The following LYPD6 variants were observed in gnomAD, a reference collection of about 807,000 sequenced individuals.
The protein encoded by LYPD6 is LY6/PLAUR domain containing 6.
LYPD6 carries 15 observed loss-of-function variants against 22.7 expected under a neutral mutation model. That is an observed-to-expected ratio of 0.66 (90% CI 0.44 to 1.02). The LOEUF is 1.02. LYPD6 is among the 50% of genes least tolerant of loss of function. The pLI, the probability that LYPD6 is intolerant of heterozygous loss-of-function variation, is 0.00. For missense variants in LYPD6, 189 were observed against 208.4 expected (o/e 0.91, Z 0.57); for synonymous variants, 72 against 77.5 (o/e 0.93, Z 0.37).
At chr2:149,415,210 T>C (rs1300255504) in intron 1 of LYPD6, among the ~76,000 whole-genome samples, 2 of 152,122 alleles carry the variant, frequency 1.3e-5, no homozygotes, top group African/African-American at 2.4e-5. Flanking sequence ...GAATCTGTGC[T>C]CCACAGTCAG....
intron 1 of LYPD6, among the ~76,000 whole-genome samples, chr2:149,351,411 A>AG (rs1681357031): frequency 6.6e-6 from 1 of 151,222 alleles, no homozygotes; most frequent in African/African-American, 2.4e-5. Context: ...AAAAAAAAAA[A>AG]AAAAGAAAGA....
intron 1 of LYPD6, among the ~76,000 whole-genome samples, chr2:149,414,437 C>T (rs965564441): frequency 3.0e-4 from 46 of 152,052 alleles, no homozygotes; most frequent in African/African-American, 1.1e-3. Context: ...TTTAAATTTG[C>T]GTTATATTTT....
At chr2:149,355,945 A>C (rs1337455236) in intron 1 of LYPD6, among the ~76,000 whole-genome samples, 1 of 152,026 alleles carries the variant, frequency 6.6e-6, no homozygotes, top group African/African-American at 2.4e-5. Context: ...CCTAACAGTA[A>C]ATTTTTATGG....
chr2:149,418,614 A>G (rs1322308725), intron 1 of LYPD6, among the ~76,000 whole-genome samples: 1 of 152,216 alleles, frequency 6.6e-6, no homozygotes, highest in African/African-American at 2.4e-5. Context: ...TTTCTCAGAT[A>G]CCTGTCCACA....
intron 1 of LYPD6, among the ~76,000 whole-genome samples, chr2:149,379,567 G>A (rs745819452): frequency 6.6e-6 from 1 of 152,326 alleles, no homozygotes; most frequent in Middle Eastern, 3.4e-3. Context: ...TCATGATCGT[G>A]ATTGAACTTA....
At chr2:149,348,365 A>G (rs1488540473) in intron 1 of LYPD6, among the ~76,000 whole-genome samples, 1 of 152,192 alleles carries the variant, frequency 6.6e-6, no homozygotes, top group Non-Finnish European at 1.5e-5. Flanking sequence ...GGAGAAACTA[A>G]AGCGAGGAAG....
At chr2:149,445,091 T>C (rs1683657112) in intron 2 of LYPD6, among the ~76,000 whole-genome samples, 1 of 152,216 alleles carries the variant, frequency 6.6e-6, no homozygotes. Flanking sequence ...GAAAACGACA[T>C]TAATTTCCTT....
At chr2:149,482,962 C>T in the LYPD6 span, among the ~76,000 whole-genome samples, 1 of 152,190 alleles carries the variant, frequency 6.6e-6, no homozygotes, top group African/African-American at 2.4e-5. Context: ...CAGAGGAAGC[C>T]ATGGCCAAGG....
At chr2:149,447,302 C>G (rs1003702297) in intron 2 of LYPD6, among the ~76,000 whole-genome samples, 1 of 152,148 alleles carries the variant, frequency 6.6e-6, no homozygotes, top group African/African-American at 2.4e-5. Flanking sequence ...TCATGTGACC[C>G]CTCCTCACCT....
chr2:149,435,245 A>G (rs1013643068), intron 1 of LYPD6, among the ~76,000 whole-genome samples: 5 of 152,228 alleles, frequency 3.3e-5, no homozygotes, highest in Non-Finnish European at 7.3e-5. Flanking sequence ...TCTGTTGTAT[A>G]AGCCCCCCAG....
intron 1 of LYPD6, among the ~76,000 whole-genome samples, chr2:149,339,843 A>G (rs1681126770): frequency 6.6e-6 from 1 of 152,200 alleles, no homozygotes; most frequent in South Asian, 2.1e-4. Flanking sequence ...GTGAGTAATT[A>G]CCACATAATG....
At chr2:149,421,374 A>C (rs929949677) in intron 1 of LYPD6, among the ~76,000 whole-genome samples, 3 of 142,986 alleles carry the variant, frequency 2.1e-5, no homozygotes, top group African/African-American at 5.3e-5. Context: ...TGGGTGACAG[A>C]GCAAGACTCC....
rs1573824617 is a variant in LYPD6, at chr2:149,458,695, C to T, written c.217+9548C>T. On this transcript the variant is annotated intron_variant, in intron 3 of 4. Transcript: ENST00000334166. ...GTTTCAGTAAGTAATAACAAACACACTTGAAACAAATTTTTAAAATCTCAT... is the reference window on the plus strand; with the variant it reads ...GTTTCAGTAAGTAATAACAAACACATTTGAAACAAATTTTTAAAATCTCAT... Among the ~76,000 whole-genome samples, 4 of 152,116 alleles carry T rather than the reference C, an allele frequency of 2.6e-5. No homozygotes were observed. The Middle Eastern group carries it at 0.01, about 388-fold the overall frequency.
chr2:149,432,002 A>G (rs1292000309), intron 1 of LYPD6, among the ~76,000 whole-genome samples: 1 of 152,252 alleles, frequency 6.6e-6, no homozygotes, highest in African/African-American at 2.4e-5. Flanking sequence ...AAGCACATGA[A>G]AAGATGTTCA....
chr2:149,344,532 A>G (rs915678607), intron 1 of LYPD6, among the ~76,000 whole-genome samples: 2 of 152,232 alleles, frequency 1.3e-5, no homozygotes, highest in Admixed American at 1.3e-4. Flanking sequence ...AAGCAGGGCA[A>G]TTAATCATAG....
chr2:149,346,104 A>G (rs1454168093), intron 1 of LYPD6, among the ~76,000 whole-genome samples: 2 of 152,214 alleles, frequency 1.3e-5, no homozygotes, highest in Non-Finnish European at 2.9e-5. Flanking sequence ...TAAATTGTTA[A>G]TGATAAGTGC....
chr2:149,405,652 C>A (rs893550214), intron 1 of LYPD6, among the ~76,000 whole-genome samples: 4 of 152,174 alleles, frequency 2.6e-5, no homozygotes, highest in Non-Finnish European at 5.9e-5. Context: ...TGCTAGTGGT[C>A]TATCAATTTT....
At chr2:149,436,995 T>C (rs1573807112) in intron 1 of LYPD6, among the ~76,000 whole-genome samples, 1 of 152,222 alleles carries the variant, frequency 6.6e-6, no homozygotes, top group African/African-American at 2.4e-5. Context: ...CTGCTACTTA[T>C]TTGCTGAACC....
intron 1 of LYPD6, among the ~76,000 whole-genome samples, chr2:149,402,346 A>G (rs1426088954): frequency 6.6e-6 from 1 of 152,174 alleles, no homozygotes; most frequent in African/African-American, 2.4e-5. Flanking sequence ...TCCTGTAAAC[A>G]TGCATGTGCA....
Sources: allele counts gnomAD v4.1 joint callset (sites outside exome capture counted in the v4.1 genomes callset), GRCh38; gene constraint gnomAD v4.1.1; transcripts MANE v1.5; gene names NCBI Gene and HGNC (gene_info 2026-07-23, HGNC 2026-07-21).